The following PIGK variants were observed in gnomAD, a reference collection of about 807,000 sequenced individuals.
PIGK encodes phosphatidylinositol glycan anchor biosynthesis class K, also known as GPI-anchor transamidase.
In PIGK, 42 loss-of-function variants were observed where a neutral mutation model predicts 50.6. The ratio of observed to expected loss-of-function variants is 0.83; its 90% CI spans 0.65 to 1.07. PIGK has a LOEUF of 1.07. Ranked by LOEUF, PIGK falls within the 50% of genes least tolerant of loss-of-function variation. The pLI is 0.00. For missense variants in PIGK, 448 were observed against 488.7 expected (o/e 0.92, Z 0.78); for synonymous variants, 151 against 156.0 (o/e 0.97, Z 0.24).
intron 10 of PIGK, among the ~76,000 whole-genome samples, chr1:77,098,126 A>ATTCC (rs1239345835): frequency 6.6e-6 from 1 of 152,184 alleles, no homozygotes; most frequent in Non-Finnish European, 1.5e-5. Flanking sequence ...TAGTAGTCCT[A>ATTCC]CTGGTGCTGT....
rs903006408 is a variant in PIGK, at chr1:77,091,140, A to G, written c.*1234T>C. The stretch of plus-strand genomic sequence containing the variant: ...ACATAAATTCTTGCATAAAACAGAT[A>G]AGACACCTGAAGGTATCCCCCCAGA... On this transcript the variant is annotated 3_prime_UTR_variant, in exon 11 of 11. Transcript: ENST00000370812. 18 of 152,234 alleles carry G rather than the reference A, an allele frequency of 1.2e-4. No individual in the cohort carries two copies. Among genetic ancestry groups the G allele is most frequent in the African/African-American group, 4.3e-4 (18 of 41,468 alleles). The allele number at this position is 152,234 out of a possible 1,614,324, so 9.4% of individuals were successfully genotyped here. A position where few individuals can be genotyped will look rare whatever the true frequency, so the allele number is the denominator to read the frequency against.
chr1:77,177,003 C>T (rs544234131), intron 3 of PIGK, among the ~76,000 whole-genome samples: 2 of 152,308 alleles, frequency 1.3e-5, no homozygotes, highest in Admixed American at 6.5e-5. Context: ...ACAATCAAAG[C>T]TTCAGCTCCA....
At chr1:77,156,152 A>G (rs1425207644) in intron 8 of PIGK, among the ~76,000 whole-genome samples, 1 of 152,186 alleles carries the variant, frequency 6.6e-6, no homozygotes, top group East Asian at 1.9e-4. Context: ...CAGATAAAAT[A>G]AAATAAGCAG....
intron 9 of PIGK, among the ~76,000 whole-genome samples, chr1:77,145,336 A>C (rs992387776): frequency 3.3e-5 from 5 of 152,010 alleles, no homozygotes; most frequent in African/African-American, 1.2e-4. Context: ...AAAAATAAAA[A>C]GCCTGCTGGG....
intron 3 of PIGK, among the ~76,000 whole-genome samples, chr1:77,187,726 A>T (rs1470425160): frequency 1.3e-5 from 2 of 152,212 alleles, no homozygotes; most frequent in Non-Finnish European, 2.9e-5. Context: ...AGCCCAATCC[A>T]GGCAGGAGTA....
chr1:77,166,991 A>G (rs1235047368), intron 4 of PIGK, among the ~76,000 whole-genome samples, 161 bp from the exon 5 acceptor site: 2 of 152,248 alleles, frequency 1.3e-5, no homozygotes, highest in African/African-American at 4.8e-5. Context: ...ATTAAAATAT[A>G]TTCATTTAAA....
chr1:77,130,619 A>G (rs892345745), intron 9 of PIGK, among the ~76,000 whole-genome samples: 5 of 152,212 alleles, frequency 3.3e-5, no homozygotes, highest in Non-Finnish European at 7.4e-5. Flanking sequence ...TTTAAAATAG[A>G]AAATGCTGGT....
chr1:77,111,647 A>T lies in PIGK; in HGVS notation c.1071+10628T>A, dbSNP rs529098058. Among the ~76,000 whole-genome samples the T allele has an allele frequency of 1.0e-3, 153 of 151,994 alleles. 2 individuals carry two copies. Among genetic ancestry groups the T allele is most frequent in the African/African-American group, 3.5e-3 (144 of 41,446 alleles). ...GGGGAGGGTTAGCATTAGGAGATAT[A>T]CCTAATGCTAAATAACGAGTTAATG... On this transcript the variant is annotated intron_variant, in intron 10 of 10. Coordinates refer to ENST00000370812, the MANE Select transcript of PIGK (RefSeq NM_005482.3).
At chr1:77,196,765 G>T (rs1656048069) in intron 3 of PIGK, among the ~76,000 whole-genome samples, 1 of 151,998 alleles carries the variant, frequency 6.6e-6, no homozygotes. Flanking sequence ...CACTCTGTAG[G>T]TTGTCCGTTT....
chr1:77,109,861 C>A (rs1408518427), intron 10 of PIGK, among the ~76,000 whole-genome samples: 4 of 152,008 alleles, frequency 2.6e-5, no homozygotes, highest in African/African-American at 7.3e-5. Context: ...TCTAGAAAAC[C>A]CCATTGTCTC....
At chr1:77,109,699 A>C (rs996340556) in intron 10 of PIGK, among the ~76,000 whole-genome samples, 1 of 152,182 alleles carries the variant, frequency 6.6e-6, no homozygotes. Context: ...GAAAACTGGC[A>C]CAAGACAGGG....
chr1:77,116,821 C>T (rs1570194232), intron 10 of PIGK, among the ~76,000 whole-genome samples: 1 of 151,976 alleles, frequency 6.6e-6, no homozygotes, highest in South Asian at 2.1e-4. Flanking sequence ...TCATACTTAC[C>T]ATCACACATT....
intron 8 of PIGK, among the ~76,000 whole-genome samples, chr1:77,158,440 A>G (rs898450176): frequency 8.5e-5 from 13 of 152,146 alleles, no homozygotes; most frequent in Non-Finnish European, 1.5e-4. Flanking sequence ...AAGATACCCG[A>G]AAATGTGGAA....
intron 10 of PIGK, among the ~76,000 whole-genome samples, chr1:77,098,514 T>G (rs1653472603): frequency 6.6e-6 from 1 of 152,040 alleles, no homozygotes; most frequent in Non-Finnish European, 1.5e-5. Context: ...TTTTGTATTT[T>G]TGGCAGAGAT....
chr1:77,205,931 G>A (rs1656276025), intron 3 of PIGK, among the ~76,000 whole-genome samples: 3 of 152,094 alleles, frequency 2.0e-5, no homozygotes, highest in South Asian at 2.1e-4. Context: ...CCTATATAGA[G>A]GCTAATAATG....
At chr1:77,098,528 G>A (rs1653472795) in intron 10 of PIGK, among the ~76,000 whole-genome samples, 1 of 151,976 alleles carries the variant, frequency 6.6e-6, no homozygotes, top group Admixed American at 6.6e-5. Context: ...CAGAGATAGG[G>A]TTTTGCCATG....
intron 3 of PIGK, among the ~76,000 whole-genome samples, chr1:77,176,740 T>A (rs763748073): frequency 1.6e-4 from 24 of 152,116 alleles, no homozygotes; most frequent in Non-Finnish European, 3.5e-4. Flanking sequence ...ATCAGTGCTA[T>A]ACACCTAAAT....
chr1:77,210,800 T>C (rs1300021578), intron 1 of PIGK, among the ~76,000 whole-genome samples: 2 of 152,046 alleles, frequency 1.3e-5, no homozygotes, highest in Non-Finnish European at 2.9e-5. Flanking sequence ...AGTTTCCTCA[T>C]GTGCAAAATG....
chr1:77,117,843 T>C (rs1253504624), intron 10 of PIGK, among the ~76,000 whole-genome samples: 3 of 152,228 alleles, frequency 2.0e-5, no homozygotes, highest in Non-Finnish European at 4.4e-5. Context: ...AAAATATGTC[T>C]TCAACCTGTC....
Sources: allele counts gnomAD v4.1 joint callset (sites outside exome capture counted in the v4.1 genomes callset), GRCh38; gene constraint gnomAD v4.1.1; transcripts MANE v1.5; gene names NCBI Gene and HGNC (gene_info 2026-07-23, HGNC 2026-07-21).